HOMER2: variants seen among roughly 807,000 people sequenced by gnomAD.
HOMER2 encodes the protein homer scaffold protein 2, also known as homer protein homolog 2.
HOMER2 carries 27 observed loss-of-function variants against 47.0 expected under a neutral mutation model. That is an observed-to-expected ratio of 0.57 (90% confidence interval 0.42 to 0.79). The LOEUF is 0.79. Ranked by LOEUF, HOMER2 falls within the 30% of genes least tolerant of loss-of-function variation. The pLI is 0.00. For missense variants in HOMER2, 443 were observed against 435.0 expected (o/e 1.02, Z -0.16); for synonymous variants, 161 against 163.8 (o/e 0.98, Z 0.13).
At chr15:82,940,865 C>T (rs2054251004) in intron 1 of HOMER2, among the ~76,000 whole-genome samples, 1 of 151,800 alleles carries the variant, frequency 6.6e-6, no homozygotes, top group African/African-American at 2.4e-5. Flanking sequence ...CTGGAGTGTA[C>T]TCCCTGAGTG....
At chr15:82,952,409 C>T in intron 1 of HOMER2, 122 bp downstream of exon 1, 2 of 684,994 alleles carry the variant, frequency 2.9e-6, no homozygotes, top group Non-Finnish European at 2.0e-6. Context: ...AGTGTGCGCT[C>T]GCTCCGGCTT....
chr15:82,848,356 G>A (rs1596297473), downstream of HOMER2, among the ~76,000 whole-genome samples: 1 of 152,174 alleles, frequency 6.6e-6, no homozygotes, highest in African/African-American at 2.4e-5. Context: ...GGGCACCAAA[G>A]CCTCCCCCCT....
intron 2 of HOMER2, among the ~76,000 whole-genome samples, chr15:82,876,917 A>G (rs2052367285): frequency 6.6e-6 from 1 of 152,168 alleles, no homozygotes; most frequent in Non-Finnish European, 1.5e-5. Flanking sequence ...CAGAAGTATC[A>G]TTGCTCTTGC....
intron 3 of HOMER2, among the ~76,000 whole-genome samples, chr15:82,865,659 G>A (rs1184707276): frequency 6.6e-6 from 1 of 152,156 alleles, no homozygotes; most frequent in African/African-American, 2.4e-5. Flanking sequence ...CCCGAGCTTT[G>A]GCAGGATCCC....
chr15:82,958,362 T>A (rs1166388612), exon 2 of HOMER2: 2 of 152,212 alleles, frequency 1.3e-5, no homozygotes, highest in Non-Finnish European at 2.9e-5. Context: ...TTAAAGGCCA[T>A]GACTTAAACA....
chr15:82,928,588 T>C (rs1356919060), intron 1 of HOMER2, among the ~76,000 whole-genome samples: 1 of 152,206 alleles, frequency 6.6e-6, no homozygotes, highest in Non-Finnish European at 1.5e-5. Flanking sequence ...ATCATAATTT[T>C]AGACTGTAAC....
chr15:82,843,127 T>C (rs186114974), exon 2 of HOMER2: 124 of 152,206 alleles, frequency 8.1e-4, no homozygotes, highest in African/African-American at 2.9e-3. Flanking sequence ...GGTGAATATT[T>C]ATACAACCTT....
chr15:82,930,478 C>T (rs549793105), intron 1 of HOMER2, among the ~76,000 whole-genome samples: 1 of 152,342 alleles, frequency 6.6e-6, no homozygotes, highest in South Asian at 2.1e-4. Context: ...GATGCCATCA[C>T]TGCCCCTGAA....
intron 1 of HOMER2, among the ~76,000 whole-genome samples, chr15:82,969,106 G>C (rs1441965968): frequency 6.6e-6 from 1 of 152,168 alleles, no homozygotes; most frequent in Non-Finnish European, 1.5e-5. Flanking sequence ...ATTATCCATA[G>C]TTGTTTGTAA....
Position 82,960,496 on chromosome 15 carries a change from C to T in HOMER2, n.83-1188G>A, listed in dbSNP as rs1350340892. On this transcript the variant is annotated intron_variant and non_coding_transcript_variant, in intron 1 of 1. Coordinates refer to the HOMER2 transcript ENST00000500334. The stretch of plus-strand genomic sequence containing the variant: ...GGCCGTTAGTATCCAAGGGGCCATT[C>T]TGTTCTAATGTGGATCAATTCCCCT... Among the ~76,000 whole-genome samples the T allele has an allele frequency of 2.0e-5, 3 of 152,174 alleles. No individual in the cohort carries two copies. In the South Asian group the frequency reaches 6.2e-4, roughly 32 times the overall value.
At chr15:82,859,278 A>C in intron 4 of HOMER2, 143 bp from the exon 5 acceptor site, 2 of 1,148,880 alleles carry the variant, frequency 1.7e-6, no homozygotes, top group South Asian at 1.5e-5. Context: ...ATCCAACCAG[A>C]ATGCAGCAAA....
At chr15:82,915,417 G>A (rs1172446234) in intron 1 of HOMER2, among the ~76,000 whole-genome samples, 27 of 152,072 alleles carry the variant, frequency 1.8e-4, no homozygotes, top group Admixed American at 1.8e-3. Context: ...CACATCCAAA[G>A]TCTCAGAACT....
At chr15:82,871,217 G>C (rs535325648) in intron 3 of HOMER2, among the ~76,000 whole-genome samples, 7 of 152,320 alleles carry the variant, frequency 4.6e-5, no homozygotes, top group African/African-American at 1.7e-4. Context: ...TTTGGACTGT[G>C]GTTGGGAAAT....
intron 1 of HOMER2, chr15:82,926,243 T>C (rs2053849702): frequency 1.3e-5 from 2 of 152,314 alleles, no homozygotes; most frequent in African/African-American, 2.4e-5. Context: ...AAGGTGCCAG[T>C]AGATTTGGTG....
chr15:82,981,292 T>C (rs1391699849), intron 1 of HOMER2, among the ~76,000 whole-genome samples: 1 of 152,210 alleles, frequency 6.6e-6, no homozygotes, highest in Non-Finnish European at 1.5e-5. Flanking sequence ...ACGAATGGCC[T>C]CTGAAAGCAG....
downstream of HOMER2, chr15:82,846,602 G>A (rs2051251904): frequency 6.6e-6 from 1 of 150,446 alleles, no homozygotes; most frequent in Admixed American, 6.6e-5. Flanking sequence ...TCACCGCTGG[G>A]TGACCCTGGG....
intron 1 of HOMER2, among the ~76,000 whole-genome samples, chr15:82,905,198 G>A (rs1184075778): frequency 6.6e-6 from 1 of 151,786 alleles, no homozygotes; most frequent in East Asian, 1.9e-4. Flanking sequence ...CAGTCTTCAA[G>A]GCAGCCTTAA....
chr15:82,942,493 G>A (rs966094626), intron 1 of HOMER2, among the ~76,000 whole-genome samples: 1 of 152,184 alleles, frequency 6.6e-6, no homozygotes, highest in African/African-American at 2.4e-5. Context: ...CAGTGTTTAC[G>A]TGATGTCCAA....
chr15:82,960,018 G>C (rs141086899), intron 1 of HOMER2, among the ~76,000 whole-genome samples: 2 of 152,210 alleles, frequency 1.3e-5, no homozygotes, highest in African/African-American at 4.8e-5. Context: ...GCAGCACAAC[G>C]AGAAGGTGCC....
Sources: allele counts gnomAD v4.1 joint callset (sites outside exome capture counted in the v4.1 genomes callset), GRCh38; gene constraint gnomAD v4.1.1; transcripts MANE v1.5; gene names NCBI Gene and HGNC (gene_info 2026-07-23, HGNC 2026-07-21).